Variants in SRBD1 observed in about 807,000 individuals in gnomAD.
The protein encoded by SRBD1 is S1 RNA-binding domain-containing protein 1.
In SRBD1, 88 loss-of-function variants were observed where a neutral mutation model predicts 115.3. The ratio of observed to expected loss-of-function variants is 0.76; its 90% CI spans 0.64 to 0.91. The LOEUF (loss-of-function observed/expected upper bound fraction) is 0.91, where lower values mean the gene tolerates loss of function less well. SRBD1 is among the 40% of genes least tolerant of loss of function. The probability of loss-of-function intolerance (pLI) is 0.00; values close to 1 mark genes in which losing one functional copy is unlikely to be tolerated. For synonymous variants in SRBD1, 509 were observed against 407.7 expected, an observed-to-expected ratio of 1.25 and a Z score of -2.99; for missense variants, 1,385 against 1,177.4, an observed-to-expected ratio of 1.18 and a Z score of -2.58.
chr2:45,395,367 T>C (rs1367516163), intron 19 of SRBD1, among the ~76,000 whole-genome samples: 1 of 152,108 alleles, frequency 6.6e-6, no homozygotes, highest in Non-Finnish European at 1.5e-5. Context: ...CATGTGTATG[T>C]GTGTGTGTGA....
At chr2:45,473,874 T>G (rs1311923507) in intron 16 of SRBD1, among the ~76,000 whole-genome samples, 2 of 152,208 alleles carry the variant, frequency 1.3e-5, no homozygotes, top group Non-Finnish European at 2.9e-5. Context: ...ATTACTTCTG[T>G]GATTATAACT....
intron 12 of SRBD1, chr2:45,549,058 G>T (rs1360124178): frequency 6.6e-6 from 1 of 152,156 alleles, no homozygotes; most frequent in Non-Finnish European, 1.5e-5. Flanking sequence ...AGCACAAAGG[G>T]GATCCAGTAC....
At chr2:45,530,653 T>G (rs1348457094) in intron 14 of SRBD1, among the ~76,000 whole-genome samples, 1 of 151,920 alleles carries the variant, frequency 6.6e-6, no homozygotes, top group African/African-American at 2.4e-5. Flanking sequence ...AGGACAGAGG[T>G]TGAAAGGAAA....
Position 45,611,203 on chromosome 2 carries a change from C to A in SRBD1, c.-1+16G>T, listed in dbSNP as rs1256902010. The A allele has an allele frequency of 3.9e-5, 6 of 152,246 alleles. No homozygotes were observed. Among genetic ancestry groups the A allele is most frequent in the Non-Finnish European group, 5.9e-5 (4 of 68,054 alleles). The allele number at this position is 152,246 out of a possible 1,614,324, so 9.4% of individuals were successfully genotyped here. Reference sequence around the variant, plus strand: ...AGAACCCGCAAGACGACCGCCAAGGCGCACGCACAGCTCACCTTCCCGCCC... The same window carrying A: ...AGAACCCGCAAGACGACCGCCAAGGAGCACGCACAGCTCACCTTCCCGCCC... On this transcript the variant is annotated intron_variant, in intron 1 of 20. Coordinates refer to ENST00000263736, the MANE Select transcript of SRBD1 (RefSeq NM_018079.5).
At chr2:45,418,605 A>T in intron 17 of SRBD1, 64 bp from the exon 18 acceptor site, 46 of 1,276,504 alleles carry the variant, frequency 3.6e-5, no homozygotes, top group Middle Eastern at 2.7e-4. Flanking sequence ...GATATAAAAC[A>T]TTTGGATCAT....
chr2:45,571,083 A>G (rs902049416), intron 9 of SRBD1, among the ~76,000 whole-genome samples: 44 of 152,130 alleles, frequency 2.9e-4, no homozygotes, highest in African/African-American at 1.0e-3. Flanking sequence ...ATGCTCTGAA[A>G]AGATCTGAGG....
chr2:45,464,235 C>G (rs1199836041), intron 16 of SRBD1, among the ~76,000 whole-genome samples: 1 of 152,126 alleles, frequency 6.6e-6, no homozygotes, highest in East Asian at 1.9e-4. Flanking sequence ...CATTCTAATG[C>G]TCTCTGGCCC....
intron 14 of SRBD1, among the ~76,000 whole-genome samples, chr2:45,489,832 C>A (rs1409532471): frequency 1.3e-5 from 2 of 151,360 alleles, no homozygotes; most frequent in Non-Finnish European, 1.5e-5. Context: ...TAAATAGTTT[C>A]TCAAACTCTC....
chr2:45,610,844 C>T (rs1004273544), intron 1 of SRBD1, among the ~76,000 whole-genome samples: 2 of 151,646 alleles, frequency 1.3e-5, no homozygotes, highest in African/African-American at 4.9e-5. Context: ...AGGCGAATGG[C>T]GTGAATCCGG....
intron 16 of SRBD1, among the ~76,000 whole-genome samples, chr2:45,428,727 T>C (rs1412737963): frequency 1.3e-5 from 2 of 152,030 alleles, no homozygotes; most frequent in Non-Finnish European, 1.5e-5. Flanking sequence ...AGATCTAAAA[T>C]TGACACTCTA....
chr2:45,416,295 A>G (rs1041061601), intron 18 of SRBD1, among the ~76,000 whole-genome samples: 1 of 152,168 alleles, frequency 6.6e-6, no homozygotes, highest in Non-Finnish European at 1.5e-5. Flanking sequence ...ATACAGTAAC[A>G]TTGCTAGCAA....
chr2:45,522,989 C>G (rs1171253511), intron 14 of SRBD1, among the ~76,000 whole-genome samples: 3 of 151,922 alleles, frequency 2.0e-5, no homozygotes. Context: ...GTTCAAGGGT[C>G]AGATGTATTC....
chr2:45,501,372 G>A (rs1009665615), intron 14 of SRBD1, among the ~76,000 whole-genome samples: 16 of 152,200 alleles, frequency 1.1e-4, no homozygotes, highest in African/African-American at 1.9e-4. Flanking sequence ...AGCTCCCTGC[G>A]TGAGCGACAC....
chr2:45,551,277 T>A lies in SRBD1; in HGVS notation c.1523A>T (p.Lys508Ile). 1 of 1,591,576 alleles carries A rather than the reference T, an allele frequency of 6.3e-7. No individual in the cohort carries two copies. The highest frequency in any genetic ancestry group is 8.5e-7 in the Non-Finnish European group (1 of 1,175,288). Residue 508 changes from lysine to isoleucine, a missense_variant, in exon 12 of 21, where the codon AAA (lysine) becomes ATA (isoleucine). Transcript: ENST00000263736. ...TTCCTTCTCTGCATCTGATGTTAGT[T>A]TGGCTCTTTAGAAATAGAAGAAAAG... ...YPLLCREFRA[K>I]LTSDAEKESV...
chr2:45,503,442 A>T (rs1362898228), intron 14 of SRBD1, among the ~76,000 whole-genome samples: 1 of 152,154 alleles, frequency 6.6e-6, no homozygotes, highest in Non-Finnish European at 1.5e-5. Context: ...TTACAAATTA[A>T]TAAGATAAAT....
intron 4 of SRBD1, among the ~76,000 whole-genome samples, chr2:45,594,680 C>A (rs1381045711): frequency 6.6e-6 from 1 of 152,112 alleles, no homozygotes; most frequent in Non-Finnish European, 1.5e-5. Flanking sequence ...TATAGGAAGC[C>A]ATTGTTTTGG....
intron 16 of SRBD1, among the ~76,000 whole-genome samples, chr2:45,463,633 G>A (rs1313817671): frequency 6.6e-6 from 1 of 152,022 alleles, no homozygotes; most frequent in East Asian, 1.9e-4. Context: ...ATATTACATG[G>A]TTTTTTCCAT....
At position 45,599,793 on chromosome 2, in the gene SRBD1, TTC is replaced by T; in HGVS notation, c.302_303del (p.Arg101LysfsTer3). ...VAIADTALEDRKNKLDTVQTL... is the reference protein window; with the variant it reads ...VAIADTALEDXKNKLDTVQTL... Reference sequence around the variant, plus strand: ...GTCTGTACAGTATCCAATTTATTTTTTCTGTCTTCTAAAGCAGTATCAGCAAT... The same window carrying T: ...GTCTGTACAGTATCCAATTTATTTTTTGTCTTCTAAAGCAGTATCAGCAAT... On this transcript the variant is annotated frameshift_variant, in exon 4 of 21. Transcript: ENST00000263736. LOFTEE classifies it high-confidence loss of function. 2.5e-6 allele frequency: 4 copies of T among 1,613,970 alleles called. No individual in the cohort carries two copies. Among genetic ancestry groups the T allele is most frequent in the Non-Finnish European group, 3.4e-6 (4 of 1,180,018 alleles).
intron 16 of SRBD1, among the ~76,000 whole-genome samples, chr2:45,442,536 G>A (rs1343061530): frequency 6.6e-6 from 1 of 152,134 alleles, no homozygotes. Context: ...AAGAATTCTG[G>A]AATTTAGAAA....
Sources: gnomAD v4.1 joint callset for allele counts (sites outside exome capture counted in the v4.1 genomes callset) on GRCh38, gnomAD v4.1.1 for gene constraint, MANE v1.5 for transcripts, NCBI Gene and HGNC (gene_info 2026-07-23, HGNC 2026-07-21) for gene names.